The following MAST2 variants were observed in gnomAD, a reference collection of about 807,000 sequenced individuals.
The protein encoded by MAST2 is microtubule associated serine/threonine kinase 2, also known as microtubule-associated serine/threonine-protein kinase 2.
A neutral mutation model predicts 147.4 loss-of-function variants in MAST2; 70 were observed. The ratio of observed to expected loss-of-function variants is 0.47; its 90% CI spans 0.39 to 0.58. The LOEUF (loss-of-function observed/expected upper bound fraction) is 0.58. MAST2 is among the 20% of genes least tolerant of loss of function. The pLI is 0.00. For synonymous variants in MAST2, 869 were observed against 896.8 expected, an observed-to-expected ratio of 0.97 and a Z score of 0.55; for missense variants, 2,080 against 2,302.3, an observed-to-expected ratio of 0.90 and a Z score of 1.98.
chr1:45,954,401 C>T (rs1259732982), intron 4 of MAST2, among the ~76,000 whole-genome samples: 1 of 152,148 alleles, frequency 6.6e-6, no homozygotes, highest in Non-Finnish European at 1.5e-5. Context: ...TATGCCTTAG[C>T]CCTTGTTCTT....
intron 3 of MAST2, among the ~76,000 whole-genome samples, chr1:45,833,866 G>T (rs1409670728): frequency 1.3e-5 from 2 of 149,274 alleles, no homozygotes; most frequent in African/African-American, 2.4e-5. Flanking sequence ...GTTTTCTCTT[G>T]TGCTTTTTTT....
intron 4 of MAST2, among the ~76,000 whole-genome samples, chr1:45,906,926 T>C (rs1650851215): frequency 6.6e-6 from 1 of 152,138 alleles, no homozygotes; most frequent in Non-Finnish European, 1.5e-5. Flanking sequence ...CTTTTTTATG[T>C]TTAAATGCAC....
At chr1:45,805,821 A>G (rs1191487664) in intron 1 of MAST2, among the ~76,000 whole-genome samples, 1 of 152,236 alleles carries the variant, frequency 6.6e-6, no homozygotes, top group Non-Finnish European at 1.5e-5. Context: ...ACAAATAAAA[A>G]CAAAACAACA....
At chr1:46,025,876 T>C (rs1379223010) in intron 16 of MAST2, 61 bp downstream of exon 16, 12 of 1,605,508 alleles carry the variant, frequency 7.5e-6, no homozygotes, top group African/African-American at 1.3e-5. Flanking sequence ...AGATAAAATG[T>C]TGGCAAGCAC....
chr1:45,974,677 A>G (rs1013545521), intron 5 of MAST2, among the ~76,000 whole-genome samples: 11 of 152,336 alleles, frequency 7.2e-5, no homozygotes, highest in Non-Finnish European at 1.3e-4. Flanking sequence ...AGTATGATAC[A>G]GTCTTTTAAA....
chr1:45,836,706 C>T (rs1396210451), intron 3 of MAST2, among the ~76,000 whole-genome samples: 1 of 152,168 alleles, frequency 6.6e-6, no homozygotes, highest in Non-Finnish European at 1.5e-5. Context: ...GTATAATTTA[C>T]ATAGAATAAA....
At chr1:45,856,422 G>A (rs368045962) in intron 3 of MAST2, among the ~76,000 whole-genome samples, 8 of 152,198 alleles carry the variant, frequency 5.3e-5, no homozygotes, top group East Asian at 3.8e-4. Flanking sequence ...GTGTAACTCA[G>A]GTTGAAATGA....
chr1:46,009,054 A>G (rs1187542820), intron 9 of MAST2, among the ~76,000 whole-genome samples: 2 of 152,062 alleles, frequency 1.3e-5, no homozygotes, highest in East Asian at 3.9e-4. Flanking sequence ...TCCCATTTGC[A>G]TGTCTCTTTT....
chr1:45,994,212 T>C (rs1293816862), intron 5 of MAST2, among the ~76,000 whole-genome samples: 1 of 149,960 alleles, frequency 6.7e-6, no homozygotes, highest in Non-Finnish European at 1.5e-5. Flanking sequence ...CTAGCCCCTC[T>C]CCATTTCTGG....
intron 4 of MAST2, among the ~76,000 whole-genome samples, chr1:45,890,129 T>A (rs1647500961): frequency 1.3e-5 from 2 of 152,192 alleles, no homozygotes; most frequent in Middle Eastern, 3.2e-3. Context: ...ATGAAAGGCG[T>A]TCCTGACCTC....
chr1:46,029,723 C>G (rs1333999230), intron 19 of MAST2, 108 bp from the exon 20 acceptor site: 3 of 1,441,910 alleles, frequency 2.1e-6, no homozygotes, highest in Admixed American at 1.9e-5. Context: ...GATGCTTGAG[C>G]TGATCCCCTA....
Position 46,035,434 on chromosome 1 carries a change from A to G in MAST2, c.4765A>G (p.Ile1589Val). The part of the protein sequence containing the change: ...PHRRLGSPQA[I>V]EEAASSSSAG... ...CAGGAGGCTCGGGAGCCCACAAGCC[A>G]TTGAGGAGGCTGCCAGCTCCTCCTC... The change falls in exon 29 of 29, where the codon ATT (isoleucine) becomes GTT (valine). Residue 1589 changes from isoleucine to valine, a missense_variant. By Grantham distance (29) the Ile-to-Val change is conservative (BLOSUM62 3). Transcript: ENST00000361297. This position sits in a 1 kb window ranked among gnomAD's most constrained non-coding sequence, Gnocchi z 5.5. 1 of 1,613,104 alleles carries G rather than the reference A, an allele frequency of 6.2e-7. No homozygotes were observed. The highest frequency in any genetic ancestry group is 8.5e-7 in the Non-Finnish European group (1 of 1,179,824).
In MAST2 at chr1:46,003,861, T is replaced by C. The variant is rs150401020; in HGVS notation, c.747+978T>C. On this transcript the variant is annotated intron_variant, in intron 7 of 28. Transcript: ENST00000361297. ...TAAATGTTTTAGTCTTTGAAGGCCA[T>C]ACAGAAGCAGGCCGTAGACCTGCTG... Among the ~76,000 whole-genome samples the C allele has an allele frequency of 3.7e-4, 57 of 152,262 alleles. 1 individual carries two copies. In the East Asian group the frequency reaches 0.011, roughly 29 times the overall value.
At chr1:45,806,350 TTCA>T (rs1360257776) in intron 1 of MAST2, among the ~76,000 whole-genome samples, 1 of 152,238 alleles carries the variant, frequency 6.6e-6, no homozygotes, top group Non-Finnish European at 1.5e-5. Flanking sequence ...ACAGTTCTTT[TTCA>T]TTGCTGTGTA....
chr1:45,827,982 C>T (rs988255405), intron 2 of MAST2, among the ~76,000 whole-genome samples: 2 of 152,024 alleles, frequency 1.3e-5, no homozygotes, highest in African/African-American at 4.8e-5. Flanking sequence ...CAGGCACACA[C>T]CACCATGCCT....
intron 4 of MAST2, among the ~76,000 whole-genome samples, chr1:45,887,845 A>T (rs1464231423): frequency 1.3e-5 from 2 of 152,156 alleles, no homozygotes; most frequent in African/African-American, 2.4e-5. Context: ...TACATTTAAG[A>T]CCCTGTCTTT....
chr1:45,895,662 T>TA (rs1276656035), intron 4 of MAST2, among the ~76,000 whole-genome samples: 1 of 152,138 alleles, frequency 6.6e-6, no homozygotes, highest in Non-Finnish European at 1.5e-5. Flanking sequence ...ACAGTTTTTT[T>TA]AAAAAAAGTA....
intron 4 of MAST2, among the ~76,000 whole-genome samples, chr1:45,926,483 A>AGAAGCTCCATTACTG (rs1654385021): frequency 1.3e-5 from 2 of 152,204 alleles, no homozygotes; most frequent in Non-Finnish European, 2.9e-5. Context: ...AGGCAGTGGC[A>AGAAGCTCCATTACTG]GCTGGGTGCC....
At chr1:45,807,479 A>G (rs371093326) in intron 1 of MAST2, among the ~76,000 whole-genome samples, 2 of 151,538 alleles carry the variant, frequency 1.3e-5, no homozygotes, top group South Asian at 2.1e-4. Flanking sequence ...CCTTAGCTCT[A>G]CATTTCCATT....
Sources: gnomAD v4.1 joint callset for allele counts (sites outside exome capture counted in the v4.1 genomes callset) on GRCh38, gnomAD v4.1.1 for gene constraint, Gnocchi (gnomAD v3.1) non-coding constraint, MANE v1.5 for transcripts, NCBI Gene and HGNC (gene_info 2026-07-23, HGNC 2026-07-21) for gene names.